Variants in GATAD2B observed in about 807,000 individuals in gnomAD.
GATAD2B encodes the protein transcriptional repressor p66-beta.
GATAD2B carries 8 observed loss-of-function variants against 64.3 expected under a neutral mutation model. The observed-to-expected ratio is 0.12, with a 90% CI of 0.07 to 0.22. The LOEUF is 0.22. Among genes scored for constraint, GATAD2B ranks in the 10% least tolerant of loss-of-function variants. The pLI, the probability that GATAD2B is intolerant of heterozygous loss-of-function variation, is 1.00. For synonymous variants in GATAD2B, 281 were observed against 271.3 expected, an observed-to-expected ratio of 1.04 and a Z score of -0.35; for missense variants, 453 against 752.0, an observed-to-expected ratio of 0.60 and a Z score of 4.65.
At chr1:153,865,069 C>CA (rs1557811917) in intron 1 of GATAD2B, among the ~76,000 whole-genome samples, 5 of 150,908 alleles carry the variant, frequency 3.3e-5, no homozygotes, top group Admixed American at 6.6e-5. Context: ...CACTCCATTT[C>CA]AAAAAAAATA....
chr1:153,826,565 A>G (rs1674885200), intron 2 of GATAD2B, among the ~76,000 whole-genome samples: 1 of 152,050 alleles, frequency 6.6e-6, no homozygotes, highest in African/African-American at 2.4e-5. Context: ...CAGGAGGTGG[A>G]GGGTGCAGTG....
intron 7 of GATAD2B, among the ~76,000 whole-genome samples, chr1:153,814,388 C>T (rs572393032): frequency 6.6e-6 from 1 of 152,290 alleles, no homozygotes; most frequent in Admixed American, 6.5e-5. Flanking sequence ...TCTTAGTTAT[C>T]TATGTAAGTG....
chr1:153,831,898 T>C (rs1675088556), intron 1 of GATAD2B, among the ~76,000 whole-genome samples: 1 of 152,168 alleles, frequency 6.6e-6, no homozygotes, highest in Non-Finnish European at 1.5e-5. Context: ...TTTCACTTTA[T>C]TGTGCTTTGC....
intron 1 of GATAD2B, among the ~76,000 whole-genome samples, chr1:153,837,378 A>AAC (rs1557794392): frequency 6.2e-5 from 2 of 32,440 alleles, no homozygotes; most frequent in Non-Finnish European, 1.0e-4. Context: ...CAAAACAAAC[A>AAC]AAAAAAAAAA....
chr1:153,849,146 C>T (rs1460961454), intron 1 of GATAD2B, among the ~76,000 whole-genome samples: 1 of 152,132 alleles, frequency 6.6e-6, no homozygotes, highest in African/African-American at 2.4e-5. Flanking sequence ...GTCACCGTAC[C>T]CAGCTTTGGG....
intron 10 of GATAD2B, 198 bp downstream of exon 10, chr1:153,811,533 C>T: frequency 1.5e-6 from 1 of 647,768 alleles, no homozygotes; most frequent in African/African-American, 1.8e-5. Context: ...TCATTTTCAC[C>T]ACCAAAACCC....
intron 1 of GATAD2B, among the ~76,000 whole-genome samples, chr1:153,857,359 T>C (rs1043539073): frequency 6.6e-6 from 1 of 151,502 alleles, no homozygotes; most frequent in Non-Finnish European, 1.5e-5. Context: ...GGCAGGAAAA[T>C]CGCTTGAACC....
chr1:153,831,872 G>T (rs934546793), intron 1 of GATAD2B, among the ~76,000 whole-genome samples: 1 of 152,174 alleles, frequency 6.6e-6, no homozygotes, highest in Non-Finnish European at 1.5e-5. Flanking sequence ...GTACAGCCAT[G>T]CCTCATTTTA....
At chr1:153,861,289 T>A (rs192560744) in intron 1 of GATAD2B, among the ~76,000 whole-genome samples, 11 of 152,168 alleles carry the variant, frequency 7.2e-5, no homozygotes, top group Admixed American at 7.2e-4. Context: ...TGGTGGCTCA[T>A]GCCTGTAACC....
rs569541113 is a variant in GATAD2B, at chr1:153,864,090, G to C, written c.-1-35742C>G. On this transcript the variant is annotated intron_variant, in intron 1 of 10. Transcript: ENST00000368655. ...GTTTTGAACAGAGATCCTTCACAAT[G>C]CTCTGAAAAGCATGATCTCAAATTT... 3.0e-3 allele frequency among the ~76,000 whole-genome samples: 454 copies of C among 152,278 alleles called. 4 individuals are homozygous for C. Among genetic ancestry groups the C allele is most frequent in the Non-Finnish European group, 4.7e-3 (320 of 68,030 alleles).
chr1:153,897,055 G>A (rs1356469572), intron 1 of GATAD2B, among the ~76,000 whole-genome samples: 1 of 145,856 alleles, frequency 6.9e-6, no homozygotes, highest in African/African-American at 2.5e-5. Flanking sequence ...TTTTGAGATG[G>A]AGTGTTGCTG....
chr1:153,811,905 G>A (rs1240403055), intron 9 of GATAD2B, 57 bp from the exon 10 acceptor site: 2 of 1,345,588 alleles, frequency 1.5e-6, no homozygotes, highest in Non-Finnish European at 2.1e-6. Context: ...GTTAAGCGGG[G>A]GCAAAGATAA....
chr1:153,878,642 C>CT (rs998660425), intron 1 of GATAD2B, among the ~76,000 whole-genome samples: 1 of 152,104 alleles, frequency 6.6e-6, no homozygotes, highest in African/African-American at 2.4e-5. Flanking sequence ...AAAACTCTTA[C>CT]TACAGGATTA....
At chr1:153,891,482 AC>A (rs1178753205) in intron 1 of GATAD2B, among the ~76,000 whole-genome samples, 1 of 145,334 alleles carries the variant, frequency 6.9e-6, no homozygotes, top group Non-Finnish European at 1.5e-5. Context: ...AGGCAGGAGA[AC>A]TGCTTGAGCC....
chr1:153,920,053 A>T (rs191236544), intron 1 of GATAD2B, among the ~76,000 whole-genome samples: 1 of 152,208 alleles, frequency 6.6e-6, no homozygotes, highest in Admixed American at 6.5e-5. Context: ...ATGACTCCCA[A>T]TGGGGTGGCT....
rs368436580 is a variant in GATAD2B, at chr1:153,817,554, G to A, written c.730-12C>T. ...ATGACACTGTGACCCTGGAGGGGAA[G>A]AAGAGGAAAAGAACTAATCACAGGT... On this transcript the variant is annotated splice_polypyrimidine_tract_variant and intron_variant, in intron 5 of 10. Coordinates refer to ENST00000368655, the MANE Select transcript of GATAD2B (RefSeq NM_020699.4). The A allele has an allele frequency of 4.4e-6, 7 of 1,573,122 alleles. No homozygotes were observed. The highest frequency in any genetic ancestry group is 1.9e-5 in the Admixed American group (1 of 52,180).
chr1:153,822,587 A>C (rs926419796), intron 2 of GATAD2B, among the ~76,000 whole-genome samples: 1 of 152,114 alleles, frequency 6.6e-6, no homozygotes, highest in Non-Finnish European at 1.5e-5. Flanking sequence ...ATCTCGGCGC[A>C]CTGCAACCTC....
chr1:153,910,262 C>T (rs572946900), intron 1 of GATAD2B, among the ~76,000 whole-genome samples: 7 of 152,298 alleles, frequency 4.6e-5, no homozygotes, highest in African/African-American at 1.2e-4. Flanking sequence ...TAGAAGACCA[C>T]TTGCCAAGCA....
chr1:153,830,554 C>T (rs1220801154), intron 1 of GATAD2B, among the ~76,000 whole-genome samples: 1 of 145,326 alleles, frequency 6.9e-6, no homozygotes, highest in Non-Finnish European at 1.5e-5. Flanking sequence ...CGGCTCACTG[C>T]AAGCTCCGCC....
Sources: gnomAD v4.1 joint callset for allele counts (sites outside exome capture counted in the v4.1 genomes callset) on GRCh38, gnomAD v4.1.1 for gene constraint, MANE v1.5 for transcripts, NCBI Gene and HGNC (gene_info 2026-07-23, HGNC 2026-07-21) for gene names.